GALNT13: variants seen among roughly 807,000 people sequenced by gnomAD.
GALNT13 encodes UDP-GalNAc:polypeptide N-acetylgalactosaminyltransferase 13.
Under a neutral mutation model 64.2 loss-of-function variants are expected in GALNT13, and 28 were observed. The ratio of observed to expected loss-of-function variants is 0.44; its 90% CI spans 0.32 to 0.60. The LOEUF (loss-of-function observed/expected upper bound fraction) is 0.60. GALNT13 is among the 20% of genes least tolerant of loss of function. The probability of loss-of-function intolerance (pLI) is 0.05; values close to 1 mark genes in which losing one functional copy is unlikely to be tolerated. For missense variants in GALNT13, 577 were observed against 669.8 expected (o/e 0.86, Z 1.53); for synonymous variants, 214 against 224.6 (o/e 0.95, Z 0.42).
the GALNT13 span, among the ~76,000 whole-genome samples, chr2:153,849,933 G>C: frequency 3.3e-5 from 5 of 151,082 alleles, no homozygotes; most frequent in South Asian, 1.0e-3. Flanking sequence ...AGGCCGAGGA[G>C]GGTGGATCAC....
chr2:153,295,222 G>T, the GALNT13 span, among the ~76,000 whole-genome samples: 1 of 152,086 alleles, frequency 6.6e-6, no homozygotes. Flanking sequence ...ACTCTAGGAT[G>T]ATTACAGAGG....
At chr2:153,291,781 T>C in the GALNT13 span, among the ~76,000 whole-genome samples, 1 of 134,812 alleles carries the variant, frequency 7.4e-6, no homozygotes, top group South Asian at 2.4e-4. Flanking sequence ...GACCAAAAAA[T>C]AATGTTAAAA....
In GALNT13 at chr2:154,452,572, A is replaced by T. The variant is rs1701912231; in HGVS notation, c.*2021A>T. On this transcript the variant is annotated 3_prime_UTR_variant, in exon 13 of 13. Transcript: ENST00000392825. ...AAAATGGTCAATGGCAAATTTTTAT[A>T]AATACAGCTACCCCATCAAAGCTGA... 1 of 152,154 alleles carries T rather than the reference A, an allele frequency of 6.6e-6. No individual in the cohort carries two copies. The highest frequency in any genetic ancestry group is 6.6e-5 in the Admixed American group (1 of 15,264). 9.4% of individuals were successfully genotyped at this position (152,154 alleles called of 1,614,324 possible).
chr2:153,899,092 T>C (rs1339832337), intron 1 of GALNT13, among the ~76,000 whole-genome samples: 1 of 152,192 alleles, frequency 6.6e-6, no homozygotes, highest in African/African-American at 2.4e-5. Flanking sequence ...TTTTGAATAT[T>C]ATGTAATATT....
At chr2:153,369,328 A>G in the GALNT13 span, among the ~76,000 whole-genome samples, 1 of 152,106 alleles carries the variant, frequency 6.6e-6, no homozygotes, top group African/African-American at 2.4e-5. Context: ...ATGAAACTGA[A>G]AACAGAAAAA....
the GALNT13 span, among the ~76,000 whole-genome samples, chr2:153,122,462 A>T: frequency 6.6e-6 from 1 of 152,232 alleles, no homozygotes; most frequent in African/African-American, 2.4e-5. Flanking sequence ...TCATACAGCT[A>T]ATGTGGAGCC....
the GALNT13 span, among the ~76,000 whole-genome samples, chr2:153,594,147 A>G: frequency 6.6e-6 from 1 of 152,106 alleles, no homozygotes; most frequent in East Asian, 1.9e-4. Context: ...TGAATGTGAA[A>G]AACATTTCCC....
At chr2:153,434,409 A>T in the GALNT13 span, among the ~76,000 whole-genome samples, 1 of 152,168 alleles carries the variant, frequency 6.6e-6, no homozygotes, top group Non-Finnish European at 1.5e-5. Flanking sequence ...CGCCACACCG[A>T]CTTCCACAAT....
intron 3 of GALNT13, among the ~76,000 whole-genome samples, chr2:153,945,440 C>T (rs1691655736): frequency 6.6e-6 from 1 of 151,978 alleles, no homozygotes; most frequent in South Asian, 2.1e-4. Flanking sequence ...TAGTTTTATT[C>T]TCATTGAACT....
the GALNT13 span, among the ~76,000 whole-genome samples, chr2:153,557,339 A>C: frequency 6.6e-6 from 1 of 152,212 alleles, no homozygotes; most frequent in African/African-American, 2.4e-5. Flanking sequence ...TGATGTTTTC[A>C]CAAATACGAA....
intron 2 of GALNT13, among the ~76,000 whole-genome samples, chr2:153,940,964 A>T (rs186363755): frequency 2.0e-5 from 3 of 152,322 alleles, no homozygotes; most frequent in African/African-American, 7.2e-5. Context: ...AACAAATAAA[A>T]AACCAAAGCA....
chr2:154,105,781 C>G (rs956333585), intron 3 of GALNT13, among the ~76,000 whole-genome samples: 2 of 152,090 alleles, frequency 1.3e-5, no homozygotes, highest in African/African-American at 2.4e-5. Flanking sequence ...TACAGTAGCC[C>G]CTAGCCCCAT....
chr2:153,566,645 C>G, the GALNT13 span, among the ~76,000 whole-genome samples: 13 of 152,256 alleles, frequency 8.5e-5, no homozygotes, highest in Non-Finnish European at 1.5e-4. Flanking sequence ...TGAGCCACTG[C>G]GTCCGGCCTC....
At chr2:153,622,595 G>A in the GALNT13 span, among the ~76,000 whole-genome samples, 1 of 152,016 alleles carries the variant, frequency 6.6e-6, no homozygotes, top group Admixed American at 6.6e-5. Context: ...TATGGAAATG[G>A]GCATTTCATA....
chr2:153,286,161 C>G, the GALNT13 span, among the ~76,000 whole-genome samples: 1 of 152,058 alleles, frequency 6.6e-6, no homozygotes, highest in Non-Finnish European at 1.5e-5. Context: ...AAGTATGTAA[C>G]CCATTCAACT....
chr2:154,302,680 CATAA>C (rs1693510083), intron 9 of GALNT13, among the ~76,000 whole-genome samples: 1 of 152,128 alleles, frequency 6.6e-6, no homozygotes, highest in South Asian at 2.1e-4. Flanking sequence ...TTTAGAGAGA[CATAA>C]GACACATCAG....
the GALNT13 span, among the ~76,000 whole-genome samples, chr2:153,510,835 C>T: frequency 0.57 from 86,047 of 151,456 alleles, 26,849 homozygotes; most frequent in African/African-American, 0.81. Flanking sequence ...ACAGGAGAGC[C>T]GTGGTGTAGG....
At chr2:153,269,631 C>T in the GALNT13 span, among the ~76,000 whole-genome samples, 23 of 152,202 alleles carry the variant, frequency 1.5e-4, no homozygotes, top group African/African-American at 5.5e-4. Flanking sequence ...GTAATAGTAC[C>T]CTACTCTGCC....
At chr2:153,104,286 C>A in the GALNT13 span, among the ~76,000 whole-genome samples, 1 of 152,168 alleles carries the variant, frequency 6.6e-6, no homozygotes, top group African/African-American at 2.4e-5. Flanking sequence ...GGATTGCAAA[C>A]TGACAGTTCA....
Sources: gnomAD v4.1 joint callset for allele counts (sites outside exome capture counted in the v4.1 genomes callset) on GRCh38, gnomAD v4.1.1 for gene constraint, MANE v1.5 for transcripts, NCBI Gene and HGNC (gene_info 2026-07-23, HGNC 2026-07-21) for gene names.